The following DPYS variants were observed in gnomAD, a reference collection of about 807,000 sequenced individuals.
DPYS encodes dihydropyrimidinase, also known as dihydropyrimidine amidohydrolase.
DPYS carries 39 observed loss-of-function variants against 50.3 expected under a neutral mutation model. That is an observed-to-expected ratio of 0.78 (90% CI 0.60 to 1.01). The LOEUF (loss-of-function observed/expected upper bound fraction) is 1.01. Ranked by LOEUF, DPYS falls within the 50% of genes least tolerant of loss-of-function variation. The probability of loss-of-function intolerance (pLI) is 0.00; values close to 1 mark genes in which losing one functional copy is unlikely to be tolerated. For synonymous variants in DPYS, 245 were observed against 250.7 expected, an observed-to-expected ratio of 0.98 and a Z score of 0.22; for missense variants, 659 against 680.9, an observed-to-expected ratio of 0.97 and a Z score of 0.36.
chr8:104,419,179 A>G (rs1422165409), intron 7 of DPYS: 2 of 482,462 alleles, frequency 4.1e-6, no homozygotes, highest in Non-Finnish European at 5.4e-6. Flanking sequence ...TCATGTATTG[A>G]TCACATGCAG....
chr8:104,439,658 A>G (rs1466537659), intron 4 of DPYS, among the ~76,000 whole-genome samples: 1 of 152,138 alleles, frequency 6.6e-6, no homozygotes, highest in Admixed American at 6.5e-5. Context: ...GGTGGCTTAC[A>G]TGAGTAGTCG....
chr8:104,391,025 T>C (rs1811368504), intron 8 of DPYS, among the ~76,000 whole-genome samples: 1 of 152,134 alleles, frequency 6.6e-6, no homozygotes, highest in Admixed American at 6.5e-5. Flanking sequence ...TCCCCAGAAA[T>C]ATTAACTGTA....
At chr8:104,440,255 T>A (rs536711210) in intron 4 of DPYS, among the ~76,000 whole-genome samples, 1 of 152,194 alleles carries the variant, frequency 6.6e-6, no homozygotes, top group Non-Finnish European at 1.5e-5. Context: ...AGCATTATAT[T>A]TCTAGGCTAC....
At chr8:104,419,646 C>T (rs966082112) in intron 7 of DPYS, 9 of 151,994 alleles carry the variant, frequency 5.9e-5, no homozygotes, top group African/African-American at 1.9e-4. Context: ...TCCCGCAAAC[C>T]CACAACCCGA....
At chr8:104,432,976 A>G (rs1813004963) in intron 4 of DPYS, among the ~76,000 whole-genome samples, 1 of 152,210 alleles carries the variant, frequency 6.6e-6, no homozygotes, top group Admixed American at 6.5e-5. Context: ...GTGAATTTAA[A>G]GTGAGGTCAT....
At chr8:104,420,186 G>C (rs1812497106) in intron 7 of DPYS, 1 of 152,218 alleles carries the variant, frequency 6.6e-6, no homozygotes, top group East Asian at 1.9e-4. Flanking sequence ...GGTAGGGGTA[G>C]TGTCTAAGGA....
chr8:104,444,180 G>A, intron 4 of DPYS, 68 bp downstream of exon 4: 1 of 1,558,074 alleles, frequency 6.4e-7, no homozygotes, highest in South Asian at 1.1e-5. Flanking sequence ...CTGAAGCAGA[G>A]GCTACAGACG....
chr8:104,421,036 A>C (rs1025821491), intron 7 of DPYS: 1 of 152,184 alleles, frequency 6.6e-6, no homozygotes, highest in African/African-American at 2.4e-5. Context: ...TTTACATATG[A>C]AAGAGTGGAT....
At chr8:104,441,184 T>C (rs918937923) in intron 4 of DPYS, among the ~76,000 whole-genome samples, 51 of 152,242 alleles carry the variant, frequency 3.3e-4, no homozygotes, top group African/African-American at 1.2e-3. Flanking sequence ...ACAAGTATTA[T>C]ACTGTCACAG....
chr8:104,422,557 A>G (rs975399766), intron 7 of DPYS, among the ~76,000 whole-genome samples: 1 of 152,210 alleles, frequency 6.6e-6, no homozygotes, highest in African/African-American at 2.4e-5. Flanking sequence ...CATTTAAGGC[A>G]CCAAAACATT....
intron 1 of DPYS, among the ~76,000 whole-genome samples, chr8:104,466,294 G>T (rs1247349584): frequency 2.0e-5 from 3 of 152,222 alleles, no homozygotes; most frequent in Non-Finnish European, 4.4e-5. Context: ...TGGAAGATTT[G>T]CGACTTCCAC....
chr8:104,395,750 T>C (rs1811561924), intron 7 of DPYS, among the ~76,000 whole-genome samples: 1 of 152,186 alleles, frequency 6.6e-6, no homozygotes, highest in African/African-American at 2.4e-5. Context: ...TGAATAGAAC[T>C]GTTATAAACA....
chr8:104,436,726 G>T (rs1459384814), intron 4 of DPYS, among the ~76,000 whole-genome samples: 1 of 152,118 alleles, frequency 6.6e-6, no homozygotes, highest in Non-Finnish European at 1.5e-5. Context: ...TGAGCCCAAT[G>T]GTTCATGCCT....
intron 8 of DPYS, among the ~76,000 whole-genome samples, chr8:104,383,401 A>G (rs529083870): frequency 9.2e-5 from 14 of 152,288 alleles, no homozygotes; most frequent in African/African-American, 3.4e-4. Context: ...CCCAGCAGAC[A>G]GAGGGCCGGT....
intron 2 of DPYS, among the ~76,000 whole-genome samples, chr8:104,447,864 A>G (rs559732270): frequency 3.3e-5 from 5 of 152,358 alleles, no homozygotes; most frequent in Admixed American, 2.6e-4. Context: ...GCAATCATGG[A>G]TCCAGCAGGA....
At chr8:104,422,468 C>T (rs1812580821) in intron 7 of DPYS, among the ~76,000 whole-genome samples, 1 of 152,146 alleles carries the variant, frequency 6.6e-6, no homozygotes, top group Non-Finnish European at 1.5e-5. Flanking sequence ...CATAGCAAAC[C>T]TGTCACTTAC....
In DPYS at chr8:104,451,100, G is replaced by T. The variant is rs556482566; in HGVS notation, c.423+146C>A. ...ACTTCACAGAATTAAAAATTCAAAAGATACAAAAGAATATGCAATGAAAAG... is the reference window on the plus strand; with the variant it reads ...ACTTCACAGAATTAAAAATTCAAAATATACAAAAGAATATGCAATGAAAAG... On this transcript the variant is annotated intron_variant, in intron 2 of 9. Transcript: ENST00000351513. 1.4e-4 allele frequency: 133 copies of T among 972,880 alleles called. 1 individual carries two copies. Among genetic ancestry groups the T allele is most frequent in the Middle Eastern group, 3.2e-4 (1 of 3,110 alleles). The allele number at this position is 972,880 out of a possible 1,614,324, so 60.3% of individuals were successfully genotyped here.
Position 104,427,140 on chromosome 8 carries a change from GC to G in DPYS, c.1092+839del, listed in dbSNP as rs1319598217. Among the ~76,000 whole-genome samples the G allele has an allele frequency of 2.0e-5, 3 of 148,342 alleles. No homozygotes were observed. In the East Asian group the frequency reaches 6.2e-4, roughly 30 times the overall value. On this transcript the variant is annotated intron_variant, in intron 6 of 9. Coordinates refer to ENST00000351513, the MANE Select transcript of DPYS (RefSeq NM_001385.3). ...CACTTGAACCCAGGAGGTGGAGGTT[GC>G]AGTGAGCCAAGATTGCACCACTGCA...
intron 6 of DPYS, among the ~76,000 whole-genome samples, chr8:104,425,258 C>G (rs1045370425): frequency 2.0e-5 from 3 of 149,542 alleles, no homozygotes; most frequent in Admixed American, 6.6e-5. Flanking sequence ...GATATGGTCT[C>G]ACTCTGTTGC....
Sources: allele counts gnomAD v4.1 joint callset (sites outside exome capture counted in the v4.1 genomes callset), GRCh38; gene constraint gnomAD v4.1.1; transcripts MANE v1.5; gene names NCBI Gene and HGNC (gene_info 2026-07-23, HGNC 2026-07-21).